The following XNDC1N variants were observed in gnomAD, a reference collection of about 807,000 sequenced individuals.
XNDC1N encodes the protein XRCC1 N-terminal domain containing 1, N-terminal like.
chr11:71,870,467 A>G, the XNDC1N span, among the ~76,000 whole-genome samples: 48 of 152,300 alleles, frequency 3.2e-4, no homozygotes, highest in Non-Finnish European at 5.4e-4. Context: ...GGACATCTTA[A>G]GTTCTAACTT....
the XNDC1N span, among the ~76,000 whole-genome samples, chr11:71,899,580 C>T: frequency 2.0e-5 from 3 of 152,218 alleles, no homozygotes; most frequent in Admixed American, 1.3e-4. Flanking sequence ...TAGGGCTGCG[C>T]AGGACGTGCC....
At chr11:71,909,883 G>A in the XNDC1N span, among the ~76,000 whole-genome samples, 12 of 152,122 alleles carry the variant, frequency 7.9e-5, no homozygotes, top group African/African-American at 2.2e-4. Context: ...AAAGTGACCC[G>A]GAATGGGAGT....
chr11:71,910,101 C>T, the XNDC1N span, among the ~76,000 whole-genome samples: 36 of 152,260 alleles, frequency 2.4e-4, no homozygotes, highest in East Asian at 7.7e-4. Flanking sequence ...TATCCAGGTC[C>T]GTCTCAAGCA....
the XNDC1N span, among the ~76,000 whole-genome samples, chr11:71,899,863 G>T: frequency 6.6e-6 from 1 of 152,200 alleles, no homozygotes. Flanking sequence ...TGAGAGAGAG[G>T]AAGGCCCCTG....
At chr11:71,885,100 C>T in the XNDC1N span, among the ~76,000 whole-genome samples, 7 of 152,138 alleles carry the variant, frequency 4.6e-5, no homozygotes, top group East Asian at 1.4e-3. Context: ...CGGTGTACAC[C>T]CTGGGTATAC....
the XNDC1N span, chr11:71,884,427 G>A: frequency 5.0e-6 from 8 of 1,596,646 alleles, no homozygotes; most frequent in Admixed American, 8.6e-5. Context: ...CACTTCTAAT[G>A]ATGAATGTCC....
At chr11:71,876,425 T>C in the XNDC1N span, among the ~76,000 whole-genome samples, 1 of 152,160 alleles carries the variant, frequency 6.6e-6, no homozygotes, top group Admixed American at 6.5e-5. Context: ...TACCTACTGG[T>C]CCACCCCCAG....
At chr11:71,897,468 A>C in the XNDC1N span, among the ~76,000 whole-genome samples, 2 of 152,244 alleles carry the variant, frequency 1.3e-5, no homozygotes, top group East Asian at 3.8e-4. Context: ...GCCAATAAGC[A>C]TCTAAGGTGA....
At chr11:71,908,327 TTAATA>T in the XNDC1N span, among the ~76,000 whole-genome samples, 3 of 151,894 alleles carry the variant, frequency 2.0e-5, no homozygotes, top group Non-Finnish European at 2.9e-5. Context: ...TCATTAATCA[TTAATA>T]TAATCATGTA....
At chr11:71,877,488 C>T in the XNDC1N span, among the ~76,000 whole-genome samples, 2 of 152,128 alleles carry the variant, frequency 1.3e-5, no homozygotes, top group African/African-American at 4.8e-5. Flanking sequence ...AGATACAAAA[C>T]TTAGCCAGGC....
chr11:71,925,364 C>T, the XNDC1N span, among the ~76,000 whole-genome samples: 2 of 152,262 alleles, frequency 1.3e-5, no homozygotes, highest in South Asian at 4.1e-4. Context: ...AAAGGGCTCA[C>T]AGTCATAAAG....
the XNDC1N span, chr11:71,893,433 T>A: frequency 1.3e-3 from 943 of 713,626 alleles, 3 homozygotes; most frequent in African/African-American, 0.015. Flanking sequence ...ATTTTTCCAA[T>A]CCTCTTTCCT....
the XNDC1N span, among the ~76,000 whole-genome samples, chr11:71,882,798 G>A: frequency 3.3e-5 from 5 of 152,092 alleles, no homozygotes; most frequent in Non-Finnish European, 7.4e-5. Context: ...TGGGGGGTGG[G>A]AATGAGTAAA....
chr11:71,878,993 C>T, the XNDC1N span, among the ~76,000 whole-genome samples: 1 of 152,058 alleles, frequency 6.6e-6, no homozygotes, highest in African/African-American at 2.4e-5. Context: ...GAGTGAGACC[C>T]TGTCTCAAAA....
At chr11:71,884,491 G>C in the XNDC1N span, 2 of 1,610,538 alleles carry the variant, frequency 1.2e-6, no homozygotes, top group Non-Finnish European at 1.7e-6. Context: ...CATGCAATTA[G>C]ATACTGTGCT....
the XNDC1N span, among the ~76,000 whole-genome samples, chr11:71,905,607 T>A: frequency 3.3e-4 from 50 of 152,032 alleles, no homozygotes; most frequent in South Asian, 9.9e-3. Flanking sequence ...GGAAGGAATA[T>A]CTCCCTAGGA....
chr11:71,911,107 G>C, the XNDC1N span, among the ~76,000 whole-genome samples: 1 of 152,240 alleles, frequency 6.6e-6, no homozygotes, highest in African/African-American at 2.4e-5. Context: ...TGGCCCCCCT[G>C]TTGGAGGGCC....
chr11:71,906,181 G>T, the XNDC1N span, among the ~76,000 whole-genome samples: 1 of 151,578 alleles, frequency 6.6e-6, no homozygotes, highest in Admixed American at 6.6e-5. Flanking sequence ...ATTATCACAG[G>T]GTGTACACCC....
the XNDC1N span, among the ~76,000 whole-genome samples, chr11:71,910,607 G>A: frequency 6.6e-6 from 1 of 152,182 alleles, no homozygotes; most frequent in Non-Finnish European, 1.5e-5. Context: ...CCCTACACCG[G>A]CACCTGGAGG....
Sources: gnomAD v4.1 joint callset for allele counts (sites outside exome capture counted in the v4.1 genomes callset) on GRCh38, gnomAD v4.1.1 for gene constraint, MANE v1.5 for transcripts, NCBI Gene and HGNC (gene_info 2026-07-23, HGNC 2026-07-21) for gene names.